Variants in PVR observed in about 807,000 individuals in gnomAD.
PVR encodes the protein PVR cell adhesion molecule, also known as poliovirus receptor.
A neutral mutation model predicts 43.3 loss-of-function variants in PVR; 39 were observed. That is an observed-to-expected ratio of 0.90 (90% CI 0.70 to 1.18). PVR has a LOEUF of 1.18. PVR is among the 50% of genes most tolerant of loss of function. The probability of loss-of-function intolerance (pLI) is 0.00; values close to 1 mark genes in which losing one functional copy is unlikely to be tolerated. For synonymous variants in PVR, 224 were observed against 233.2 expected, an observed-to-expected ratio of 0.96 and a Z score of 0.36; for missense variants, 480 against 549.7, an observed-to-expected ratio of 0.87 and a Z score of 1.27.
At chr19:44,658,017 A>G (rs1973499519) in intron 5 of PVR, 107 bp downstream of exon 5, 1 of 1,256,730 alleles carries the variant, frequency 8.0e-7, no homozygotes, top group African/African-American at 1.5e-5. Flanking sequence ...GCCTTCTCAC[A>G]AAAGGACCAG....
chr19:44,644,052 G>A lies in PVR; in HGVS notation c.-45G>A. ...CGGCAGAGCGAGCGGGCGCCGGGAA[G>A]CGAGGAGACGCCCGCGGGAGGCCCA... On this transcript the variant is annotated 5_prime_UTR_variant, in exon 1 of 8. Transcript: ENST00000425690. The A allele has an allele frequency of 6.8e-7, 1 of 1,480,532 alleles. No individual in the cohort carries two copies. The highest frequency in any genetic ancestry group is 9.0e-7 in the Non-Finnish European group (1 of 1,115,282). The allele number at this position is 1,480,532 out of a possible 1,614,324, so 91.7% of individuals were successfully genotyped here. A position where few individuals can be genotyped will look rare whatever the true frequency, so the allele number is the denominator to read the frequency against.
At chr19:44,645,430 TATATATATATATA>T (rs1384248756) in intron 1 of PVR, among the ~76,000 whole-genome samples, 9 of 114,758 alleles carry the variant, frequency 7.8e-5, no homozygotes, top group South Asian at 2.6e-4. Flanking sequence ...TATATATATA[TATATATATATATA>T]TAGTGCGTGT....
intron 2 of PVR, among the ~76,000 whole-genome samples, chr19:44,649,515 C>T (rs952632102): frequency 1.3e-5 from 2 of 151,434 alleles, no homozygotes; most frequent in African/African-American, 2.4e-5. Context: ...CTGCAACCTC[C>T]GCCTCCCGAG....
chr19:44,654,245 C>G (rs1014821499), intron 4 of PVR, among the ~76,000 whole-genome samples: 3 of 114,724 alleles, frequency 2.6e-5, no homozygotes, highest in Admixed American at 2.5e-4. Flanking sequence ...GCCTGGACCC[C>G]TGGGTCTGAG....
chr19:44,647,457 A>T lies in PVR; in HGVS notation c.314A>T (p.Asn105Ile), dbSNP rs766636602. 1 of 1,614,146 alleles carries T rather than the reference A, an allele frequency of 6.2e-7. No homozygotes were observed. Among genetic ancestry groups the T allele is most frequent in the South Asian group, 1.1e-5 (1 of 91,068 alleles). ...VAARLGAELR[N>I]ASLRMFGLRV... Reference sequence around the variant, plus strand: ...GCCAGACTGGGCGCGGAGCTGCGGAATGCCTCGCTGAGGATGTTCGGGTTG... The same window carrying T: ...GCCAGACTGGGCGCGGAGCTGCGGATTGCCTCGCTGAGGATGTTCGGGTTG... The change falls in exon 2 of 8, where the codon AAT becomes ATT. Residue 105 changes from asparagine (N) to isoleucine (I), a missense_variant. Coordinates refer to ENST00000425690, the MANE Select transcript of PVR (RefSeq NM_006505.5).
intron 1 of PVR, among the ~76,000 whole-genome samples, chr19:44,645,237 A>ATTATATATTATATATATTATAATAAT (rs1973073000): frequency 9.7e-6 from 1 of 102,858 alleles, no homozygotes; most frequent in South Asian, 2.4e-4. Flanking sequence ...TATAATATAT[A>ATTATATATTATATATATTATAATAAT]ATATGTATTA....
intron 3 of PVR, among the ~76,000 whole-genome samples, chr19:44,650,451 G>A (rs1973250487): frequency 6.6e-6 from 1 of 151,760 alleles, no homozygotes; most frequent in Admixed American, 6.6e-5. Context: ...ATTTCCCCAG[G>A]CAAGTATCCA....
chr19:44,656,547 G>C (rs1257213583), intron 4 of PVR, among the ~76,000 whole-genome samples: 1 of 152,150 alleles, frequency 6.6e-6, no homozygotes, highest in Non-Finnish European at 1.5e-5. Context: ...AACATACGTT[G>C]GTCGATAAAA....
rs892296136 is a variant in PVR, at chr19:44,643,975, C to G, written c.-122C>G. 2.8e-6 allele frequency: 2 copies of G among 707,570 alleles called. No homozygotes were observed. The highest frequency in any genetic ancestry group is 4.4e-6 in the Non-Finnish European group (2 of 452,106). The allele number at this position is 707,570 out of a possible 1,614,324, so 43.8% of individuals were successfully genotyped here. A position where few individuals can be genotyped will look rare whatever the true frequency, so the allele number is the denominator to read the frequency against. Reference sequence around the variant, plus strand: ...CCCACCCCAGGCACTGGAGGAGCGGCCCCCCGGGGATTCCAGGACCTGAGC... The same window carrying G: ...CCCACCCCAGGCACTGGAGGAGCGGGCCCCCGGGGATTCCAGGACCTGAGC... On this transcript the variant is annotated 5_prime_UTR_variant, in exon 1 of 8. Transcript: ENST00000425690.
chr19:44,651,951 T>C (rs1277305742), intron 3 of PVR, among the ~76,000 whole-genome samples: 1 of 151,446 alleles, frequency 6.6e-6, no homozygotes, highest in Non-Finnish European at 1.5e-5. Context: ...AGGTCAGGCA[T>C]TCAAGACCAG....
rs571610987 is a variant in PVR, at chr19:44,653,412, C to T, written c.725-488C>T. Among the ~76,000 whole-genome samples the T allele has an allele frequency of 3.3e-4, 51 of 152,256 alleles. 1 individual carries two copies. In the South Asian group the frequency reaches 8.3e-3, roughly 25 times the overall value. On this transcript the variant is annotated intron_variant, in intron 3 of 7. Coordinates refer to ENST00000425690, the MANE Select transcript of PVR (RefSeq NM_006505.5). ...GGAGGAGATCTACACTGACTCCTAC[C>T]CCTCGCCCCCGAATAAAACCCTGTC...
rs1300251006 is a variant in PVR at position 44,650,313 on chromosome 19, TG to T, written c.724+211del. Among the ~76,000 whole-genome samples, 12 of 152,282 alleles carry T rather than the reference TG, an allele frequency of 7.9e-5. No individual in the cohort carries two copies. The South Asian group carries it at 1.5e-3, about 18-fold the overall frequency. On this transcript the variant is annotated intron_variant, in intron 3 of 7. Transcript: ENST00000425690. ...TCCCTATTGTCTACACCAGTTTACT[TG>T]GGCCATAGTCAATGCTGGTACCCAG...
rs754129476 is a variant in PVR, at chr19:44,647,557, G to A, written c.414G>A (p.Trp138Ter). 25 of 1,609,840 alleles carry A rather than the reference G, an allele frequency of 1.6e-5. No homozygotes were observed. The East Asian group carries it at 5.1e-4, about 33-fold the overall frequency. The change falls in exon 2 of 8, where the codon TGG becomes TGA. Residue 138 changes from tryptophan (W) to a stop codon, truncating the protein, a stop_gained. Transcript: ENST00000425690. LOFTEE classifies it high-confidence loss of function. ...AGGGCAGCAGGAGCGTGGATATCTGGCTCCGAGTGCTTGGTGAGCAGGGGG... is the reference window on the plus strand; with the variant it reads ...AGGGCAGCAGGAGCGTGGATATCTGACTCCGAGTGCTTGGTGAGCAGGGGG... ...FPQGSRSVDI[W>*]LRVLAKPQNT...
chr19:44,659,679 G>A (rs149006679), intron 6 of PVR, among the ~76,000 whole-genome samples: 4,120 of 151,774 alleles, frequency 0.027, 180 homozygotes, highest in African/African-American at 0.093. Flanking sequence ...ACAGCGTTTC[G>A]CCATGTTGGC....
chr19:44,645,415 G>GTATATATATATATATATA (rs71171276), intron 1 of PVR, among the ~76,000 whole-genome samples: 63 of 83,806 alleles, frequency 7.5e-4, no homozygotes, highest in East Asian at 4.5e-3. Context: ...TATGTTTTGT[G>GTATATATATATATATATA]TATATATATA....
intron 1 of PVR, among the ~76,000 whole-genome samples, chr19:44,645,197 A>G (rs1277368756): frequency 1.0e-5 from 1 of 95,356 alleles, no homozygotes; most frequent in Non-Finnish European, 1.9e-5. Flanking sequence ...TATAATATAT[A>G]ATATGTATAT....
intron 1 of PVR, among the ~76,000 whole-genome samples, chr19:44,644,914 C>T (rs1046063911): frequency 1.4e-5 from 2 of 139,994 alleles, no homozygotes; most frequent in African/African-American, 2.7e-5. Context: ...TACAGGATTT[C>T]ACCATGTTGG....
intron 6 of PVR, 115 bp from the exon 7 acceptor site, chr19:44,661,177 A>T: frequency 1.1e-6 from 1 of 938,192 alleles, no homozygotes; most frequent in Non-Finnish European, 1.7e-6. Flanking sequence ...TGGCACCCCC[A>T]TGTAATAGCA....
intron 1 of PVR, among the ~76,000 whole-genome samples, 189 bp from the exon 2 acceptor site, chr19:44,647,034 C>T (rs1334398193): frequency 6.6e-6 from 1 of 152,202 alleles, no homozygotes; most frequent in Non-Finnish European, 1.5e-5. Context: ...TCCCAGACGC[C>T]CTTACCCTCC....
Sources: allele counts gnomAD v4.1 joint callset (sites outside exome capture counted in the v4.1 genomes callset), GRCh38; gene constraint gnomAD v4.1.1; transcripts MANE v1.5; gene names NCBI Gene and HGNC (gene_info 2026-07-23, HGNC 2026-07-21).